The following AK2 variants were observed in gnomAD, a reference collection of about 807,000 sequenced individuals.
AK2 encodes the protein adenylate kinase 2, mitochondrial.
Under a neutral mutation model 24.6 loss-of-function variants are expected in AK2, and 15 were observed. The ratio of observed to expected loss-of-function variants is 0.61; its 90% CI spans 0.41 to 0.94. The LOEUF is 0.94. Ranked by LOEUF, AK2 falls within the 40% of genes least tolerant of loss-of-function variation. AK2 has a pLI of 0.00. For synonymous variants in AK2, 102 were observed against 114.0 expected, an observed-to-expected ratio of 0.90 and a Z score of 0.67; for missense variants, 257 against 304.1, an observed-to-expected ratio of 0.85 and a Z score of 1.15.
rs1029821113 is a variant in AK2 at position 33,012,272 on chromosome 1, C to T, written c.*909G>A. 8 of 1,534,536 alleles carry T rather than the reference C, an allele frequency of 5.2e-6. No homozygotes were observed. In the Admixed American group the frequency reaches 1.4e-4, roughly 26 times the overall value. ...ACAAAAATATTCCAATTTGGCCTGGCTCTTTTTATGACGATATCCTCTCCC... is the reference window on the plus strand; with the variant it reads ...ACAAAAATATTCCAATTTGGCCTGGTTCTTTTTATGACGATATCCTCTCCC... On this transcript the variant is annotated 3_prime_UTR_variant, in exon 6 of 6. Coordinates refer to ENST00000672715, the MANE Select transcript of AK2 (RefSeq NM_001625.4).
intron 1 of AK2, among the ~76,000 whole-genome samples, chr1:33,030,358 C>T (rs1455844506): frequency 2.0e-5 from 3 of 152,168 alleles, no homozygotes; most frequent in Non-Finnish European, 4.4e-5. Flanking sequence ...AGTTTGAGAC[C>T]AGTCCGGGCA....
rs1475672055 is a variant in AK2 at position 33,024,451 on chromosome 1, A to C, written c.210T>G (p.Ala70=). 1.2e-6 allele frequency: 2 copies of C among 1,613,976 alleles called. No homozygotes were observed. The highest frequency in any genetic ancestry group is 2.2e-5 in the East Asian group (1 of 44,896). ...LGKKLKATMD[A]GKLVSDEMVV... is the part of the protein sequence containing the mutation. ...GTACCACCAAACCTACCAGTTTCCC[A>C]GCATCCATAGTTGCCTTCAGCTTTT... The change falls in exon 2 of 6, where the codon GCT becomes GCG. Residue 70 remains alanine (A), a synonymous_variant. Coordinates refer to ENST00000672715, the MANE Select transcript of AK2 (RefSeq NM_001625.4).
rs150586421 is a variant in AK2 at position 33,013,225 on chromosome 1, C to T, written c.676G>A (p.Ala226Thr). Residue 226 changes from alanine (A) to threonine (T), a missense_variant, in exon 6 of 6, where the codon GCC becomes ACC. By Grantham distance (58) the Ala-to-Thr change is moderately conservative. Coordinates refer to ENST00000672715, the MANE Select transcript of AK2 (RefSeq NM_001625.4). The part of the protein sequence containing the change: ...PDVVFASILA[A>T]FSKATCKDLV... The stretch of plus-strand genomic sequence containing the variant: ...TCTTTACATGTGGCTTTGGAGAAGG[C>T]TGCTAGGATGCTTGCGAACACGACA... 3.7e-6 allele frequency: 6 copies of T among 1,614,060 alleles called. No individual in the cohort carries two copies. The African/African-American group carries it at 6.7e-5, about 18-fold the overall frequency.
At chr1:33,016,649 C>T (rs953319114) in intron 4 of AK2, among the ~76,000 whole-genome samples, 2 of 152,110 alleles carry the variant, frequency 1.3e-5, no homozygotes, top group Admixed American at 6.6e-5. Context: ...TAGCTGACTA[C>T]AAGCATGCGC....
chr1:33,022,351 CTTTTTTTT>C (rs397862465), intron 2 of AK2, among the ~76,000 whole-genome samples: 3 of 112,370 alleles, frequency 2.7e-5, no homozygotes, highest in Non-Finnish European at 1.8e-5. Flanking sequence ...TCTTCCCTCA[CTTTTTTTT>C]TTTTTTTTTT....
chr1:33,028,184 C>G (rs927525557), intron 1 of AK2, among the ~76,000 whole-genome samples: 4 of 152,130 alleles, frequency 2.6e-5, no homozygotes, highest in African/African-American at 9.7e-5. Context: ...TTCACAGACT[C>G]TAAATCACTG....
chr1:33,020,022 A>G lies in AK2; in HGVS notation c.425+1345T>C, dbSNP rs1639431683. On this transcript the variant is annotated intron_variant, in intron 4 of 5. Transcript: ENST00000672715. ...GGAATGGAGGGTCCATTTGCAGTTGAAAGCTTCTGTCATACTTCTGGAAGG... is the reference window on the plus strand; with the variant it reads ...GGAATGGAGGGTCCATTTGCAGTTGGAAGCTTCTGTCATACTTCTGGAAGG... The G allele has an allele frequency of 2.0e-6, 3 of 1,521,152 alleles. No individual in the cohort carries two copies. In the African/African-American group the frequency reaches 4.1e-5, roughly 21 times the overall value. 94.2% of individuals were successfully genotyped at this position (1,521,152 alleles called of 1,614,324 possible).
At position 33,010,792 on chromosome 1, in the gene AK2, G is replaced by A; in HGVS notation, c.*2389C>T. On this transcript the variant is annotated 3_prime_UTR_variant, in exon 6 of 6. Transcript: ENST00000672715. ...AAGAGCAGGGATCACGCCGCGGGGTGATGAGCAGTGTTGCAGTCTCGCCTG... is the reference window on the plus strand; with the variant it reads ...AAGAGCAGGGATCACGCCGCGGGGTAATGAGCAGTGTTGCAGTCTCGCCTG... 6.2e-7 allele frequency: 1 copy of A among 1,614,308 alleles called. No homozygotes were observed. The highest frequency in any genetic ancestry group is 1.6e-4 in the Middle Eastern group (1 of 6,062).
chr1:33,019,190 C>A (rs1353087036), intron 4 of AK2, among the ~76,000 whole-genome samples: 1 of 152,190 alleles, frequency 6.6e-6, no homozygotes, highest in Admixed American at 6.5e-5. Flanking sequence ...TCTTCTTGGA[C>A]TTCCTACTAC....
chr1:33,017,162 C>T (rs7521588), intron 4 of AK2, among the ~76,000 whole-genome samples: 2 of 151,848 alleles, frequency 1.3e-5, no homozygotes, highest in South Asian at 2.1e-4. Context: ...ATTATTTTTT[C>T]TTTTCTTCAG....
Position 33,010,562 on chromosome 1 carries a change from G to C in AK2, c.*2619C>G, listed in dbSNP as rs1268551000. 1.4e-6 allele frequency: 1 copy of C among 740,454 alleles called. No homozygotes were observed. The highest frequency in any genetic ancestry group is 1.9e-5 in the African/African-American group (1 of 51,700). 45.9% of individuals were successfully genotyped at this position (740,454 alleles called of 1,614,324 possible). A position where few individuals can be genotyped will look rare whatever the true frequency, so the allele number is the denominator to read the frequency against. On this transcript the variant is annotated 3_prime_UTR_variant, in exon 6 of 6. Coordinates refer to ENST00000672715, the MANE Select transcript of AK2 (RefSeq NM_001625.4). ...AACCCGATTCCTTAGAAATAATATT[G>C]TGTCTATTTCTACCCCCACCCTCCA... is the stretch of plus-strand genomic sequence containing the variant.
chr1:33,029,955 A>T (rs557139309), intron 1 of AK2, among the ~76,000 whole-genome samples: 1 of 152,304 alleles, frequency 6.6e-6, no homozygotes, highest in South Asian at 2.1e-4. Flanking sequence ...CCTCCAAAAC[A>T]TACACATTCC....
chr1:33,028,864 G>C (rs1245155485), intron 1 of AK2, among the ~76,000 whole-genome samples: 1 of 152,102 alleles, frequency 6.6e-6, no homozygotes, highest in Non-Finnish European at 1.5e-5. Context: ...TGATTGAGTG[G>C]CTCTCAAGCA....
At chr1:33,018,818 C>T (rs967593272) in intron 4 of AK2, among the ~76,000 whole-genome samples, 4 of 152,188 alleles carry the variant, frequency 2.6e-5, no homozygotes, top group African/African-American at 9.7e-5. Context: ...GTATCCTTAT[C>T]TGTTTCTCCT....
At position 33,012,842 on chromosome 1, in the gene AK2, G is replaced by T. The variant is rs1322514393; in HGVS notation, c.*339C>A. On this transcript the variant is annotated 3_prime_UTR_variant, in exon 6 of 6. Coordinates refer to ENST00000672715, the MANE Select transcript of AK2 (RefSeq NM_001625.4). ...AGCCCCAGGAGGCAGAGGTTGCCGT[G>T]AGCCAAGATCACGCCACTGCACTCC... is the stretch of plus-strand genomic sequence containing the variant. 6.3e-6 allele frequency: 8 copies of T among 1,274,440 alleles called. No homozygotes were observed. The highest frequency in any genetic ancestry group is 8.2e-6 in the Non-Finnish European group (8 of 972,990). 78.9% of individuals were successfully genotyped at this position (1,274,440 alleles called of 1,614,324 possible).
In AK2 at chr1:33,008,217, T is replaced by C. The variant is rs1458628854; in HGVS notation, c.*4964A>G. Reference sequence around the variant, plus strand: ...CAACCCACATGAGTATCTTGGTCACTAGTGTCATCAGCACCTTTGAGGGGT... The same window carrying C: ...CAACCCACATGAGTATCTTGGTCACCAGTGTCATCAGCACCTTTGAGGGGT... On this transcript the variant is annotated 3_prime_UTR_variant, in exon 6 of 6. Transcript: ENST00000672715. 1.1e-5 allele frequency: 5 copies of C among 454,104 alleles called. No homozygotes were observed. The highest frequency in any genetic ancestry group is 2.0e-5 in the African/African-American group (1 of 49,994). 28.1% of individuals were successfully genotyped at this position (454,104 alleles called of 1,614,324 possible). A position where few individuals can be genotyped will look rare whatever the true frequency, so the allele number is the denominator to read the frequency against.
intron 1 of AK2, among the ~76,000 whole-genome samples, chr1:33,028,255 GCACTCTAGGAGGC>G (rs1438736304): frequency 1.3e-5 from 2 of 152,156 alleles, no homozygotes; most frequent in African/African-American, 4.8e-5. Flanking sequence ...TGTAATCCCA[GCACTCTAGGAGGC>G]CGAAGCAGGC....
rs1330177884 is a variant in AK2, at chr1:33,008,249, C to T, written c.*4932G>A. Reference sequence around the variant, plus strand: ...ATCAGCACCTTTGAGGGGTAGGGATCATTCCTATTCTACTGATGAGGTGAG... The same window carrying T: ...ATCAGCACCTTTGAGGGGTAGGGATTATTCCTATTCTACTGATGAGGTGAG... On this transcript the variant is annotated 3_prime_UTR_variant, in exon 6 of 6. Coordinates refer to ENST00000672715, the MANE Select transcript of AK2 (RefSeq NM_001625.4). 4.4e-6 allele frequency: 2 copies of T among 454,048 alleles called. No individual in the cohort carries two copies. The highest frequency in any genetic ancestry group is 4.7e-5 in the Admixed American group (2 of 42,568). 28.1% of individuals were successfully genotyped at this position (454,048 alleles called of 1,614,324 possible).
In AK2 at chr1:33,012,634, C is replaced by T. The variant is rs1331195040; in HGVS notation, c.*547G>A. The stretch of plus-strand genomic sequence containing the variant: ...CAGCTGGGCTGGGTGTAGTGGCTCA[C>T]GTCTGTGATCCTGGCACTTCAGGAG... On this transcript the variant is annotated 3_prime_UTR_variant, in exon 6 of 6. Transcript: ENST00000672715. 1.0e-5 allele frequency: 13 copies of T among 1,288,686 alleles called. No homozygotes were observed. The highest frequency in any genetic ancestry group is 3.3e-4 in the Middle Eastern group (1 of 3,068). The allele number at this position is 1,288,686 out of a possible 1,614,324, so 79.8% of individuals were successfully genotyped here.
Sources: allele counts gnomAD v4.1 joint callset (sites outside exome capture counted in the v4.1 genomes callset), GRCh38; gene constraint gnomAD v4.1.1; transcripts MANE v1.5; gene names NCBI Gene and HGNC (gene_info 2026-07-23, HGNC 2026-07-21).